Variants in AXL observed in about 807,000 individuals in gnomAD.
AXL encodes the protein tyrosine-protein kinase receptor UFO.
In AXL, 52 loss-of-function variants were observed where a neutral mutation model predicts 104.5. The ratio of observed to expected loss-of-function variants is 0.50; its 90% confidence interval spans 0.40 to 0.63. AXL has a LOEUF of 0.63. AXL is among the 20% of genes least tolerant of loss of function. The probability of loss-of-function intolerance (pLI) is 0.00; values close to 1 mark genes in which losing one functional copy is unlikely to be tolerated. For missense variants in AXL, 1,024 were observed against 1,188.5 expected, an observed-to-expected ratio of 0.86 and a Z score of 2.04; for synonymous variants, 455 against 473.7, an observed-to-expected ratio of 0.96 and a Z score of 0.51.
At chr19:41,221,339 A>G in intron 3 of AXL, 93 bp downstream of exon 3, 1 of 1,061,042 alleles carries the variant, frequency 9.4e-7, no homozygotes, top group East Asian at 2.5e-5. Context: ...TCAAGGTCAA[A>G]GGGTGCTGGA....
At chr19:41,253,118 G>A (rs1219894938) in intron 16 of AXL, 151 bp downstream of exon 16, 1 of 776,410 alleles carries the variant, frequency 1.3e-6, no homozygotes, top group African/African-American at 1.8e-5. Context: ...TGATAAACAA[G>A]CTAATAAATA....
chr19:41,248,681 C>A, intron 13 of AXL, 62 bp from the exon 14 acceptor site: 4 of 1,611,702 alleles, frequency 2.5e-6, no homozygotes, highest in Non-Finnish European at 3.4e-6. Context: ...TCCCACCCAA[C>A]TATAGGAAAT....
At chr19:41,222,105 T>A in intron 4 of AXL, 49 bp downstream of exon 4, 1 of 1,456,936 alleles carries the variant, frequency 6.9e-7, no homozygotes, top group Non-Finnish European at 9.1e-7. Context: ...CGGGCAGGGC[T>A]GAAGTCAGGA....
intron 16 of AXL, among the ~76,000 whole-genome samples, chr19:41,253,398 A>C (rs1274969921): frequency 6.6e-6 from 1 of 152,154 alleles, no homozygotes; most frequent in East Asian, 1.9e-4. Context: ...GTCAAGGGCA[A>C]GAACATAGGC....
chr19:41,227,706 C>T (rs1404238677), intron 4 of AXL, among the ~76,000 whole-genome samples: 1 of 152,042 alleles, frequency 6.6e-6, no homozygotes, highest in Non-Finnish European at 1.5e-5. Flanking sequence ...CCAGGCTTGT[C>T]TTAAACTCCT....
chr19:41,236,148 T>A (rs987999527), intron 6 of AXL, among the ~76,000 whole-genome samples: 1 of 150,954 alleles, frequency 6.6e-6, no homozygotes, highest in African/African-American at 2.4e-5. Flanking sequence ...CTGACCAACA[T>A]GATGAAACCT....
intron 17 of AXL, among the ~76,000 whole-genome samples, chr19:41,254,721 C>T (rs1351467591): frequency 2.6e-5 from 4 of 152,024 alleles, no homozygotes; most frequent in East Asian, 1.9e-4. Flanking sequence ...GAGTTCAAGA[C>T]CAGCCTGGGC....
Position 41,219,363 on chromosome 19 carries a change from C to A in AXL, c.-30C>A, listed in dbSNP as rs776755976. ...CCCTGCCCCCTCCCCCGCTGGGAGC[C>A]CAACAACTTCTGAGGAAAGTTTGGC... On this transcript the variant is annotated 5_prime_UTR_variant, in exon 1 of 20. Coordinates refer to ENST00000301178, the MANE Select transcript of AXL (RefSeq NM_021913.5). 6.4e-7 allele frequency: 1 copy of A among 1,561,536 alleles called. No homozygotes were observed. The highest frequency in any genetic ancestry group is 8.7e-7 in the Non-Finnish European group (1 of 1,153,064).
chr19:41,243,095 G>T, intron 11 of AXL, 80 bp downstream of exon 11: 1 of 1,589,920 alleles, frequency 6.3e-7, no homozygotes. Flanking sequence ...GGAGGCTGGT[G>T]CAGGAGGAGT....
intron 4 of AXL, among the ~76,000 whole-genome samples, chr19:41,225,264 CA>C (rs1358868433): frequency 6.6e-6 from 1 of 152,220 alleles, no homozygotes; most frequent in Admixed American, 6.5e-5. Flanking sequence ...CTCGGCCTCC[CA>C]AAGTACTGGG....
In AXL at chr19:41,222,041, A is replaced by C. The variant is rs773217446; in HGVS notation, c.571A>C (p.Ser191Arg). The C allele has an allele frequency of 1.5e-4, 233 of 1,580,292 alleles. No homozygotes were observed. Among genetic ancestry groups the C allele is most frequent in the Non-Finnish European group, 1.9e-4 (226 of 1,165,988 alleles). ...GGCTCCAGGTCACGGCCCCCAGCGC[A>C]GCCTGCATGTTCCAGGTGAGTCCGG... ...ATAPGHGPQR[S>R]LHVPGLNKTS... is the part of the protein sequence containing the mutation. The change falls in exon 4 of 20, where the codon AGC becomes CGC. Residue 191 changes from serine (S) to arginine (R), a missense_variant. Around this residue, in one of 5 missense-constraint regions of AXL, gnomAD observed 332 missense variants for 343.9 expected, o/e 0.97. Transcript: ENST00000301178.
intron 14 of AXL, among the ~76,000 whole-genome samples, chr19:41,251,265 C>T (rs1012199492): frequency 1.3e-5 from 2 of 151,952 alleles, no homozygotes; most frequent in Non-Finnish European, 2.9e-5. Flanking sequence ...TAGCAAGACT[C>T]CCTCTCAAAA....
Position 41,243,612 on chromosome 19 carries a change from C to A in AXL, c.1446-4C>A, listed in dbSNP as rs756248934. The stretch of plus-strand genomic sequence containing the variant: ...TGCCCTCACCTACTCCCCCTCCCCC[C>A]CAGAGAAGTGTTTGAACCAACAGTG... On this transcript the variant is annotated splice_region_variant and splice_polypyrimidine_tract_variant and intron_variant, in intron 11 of 19. Transcript: ENST00000301178. 9 of 1,613,640 alleles carry A rather than the reference C, an allele frequency of 5.6e-6. No homozygotes were observed. Among genetic ancestry groups the A allele is most frequent in the Middle Eastern group, 3.3e-4 (2 of 6,060 alleles).
At position 41,226,612 on chromosome 19, in the gene AXL, C is replaced by T. The variant is rs2033886744; in HGVS notation, c.587-4355C>T. On this transcript the variant is annotated intron_variant, in intron 4 of 19. Coordinates refer to ENST00000301178, the MANE Select transcript of AXL (RefSeq NM_021913.5). ...GCGGATGGAGAGCCTCCCTTGCCAACGCGGTGGGAACAGAGGCGTACACGC... is the reference window on the plus strand; with the variant it reads ...GCGGATGGAGAGCCTCCCTTGCCAATGCGGTGGGAACAGAGGCGTACACGC... 7.1e-6 allele frequency: 3 copies of T among 424,426 alleles called. No individual in the cohort carries two copies. The South Asian group carries it at 2.9e-4, about 42-fold the overall frequency. 26.3% of individuals were successfully genotyped at this position (424,426 alleles called of 1,614,324 possible). A position where few individuals can be genotyped will look rare whatever the true frequency, so the allele number is the denominator to read the frequency against.
Position 41,259,975 on chromosome 19 carries a change from C to T in AXL, c.*71C>T. On this transcript the variant is annotated 3_prime_UTR_variant, in exon 20 of 20. Coordinates refer to ENST00000301178, the MANE Select transcript of AXL (RefSeq NM_021913.5). ...CTGCCACTGGGGAAAACTCCACCTT[C>T]CCACTTTCCCACCCCACGCCTTATC... The T allele has an allele frequency of 2.2e-6, 3 of 1,351,540 alleles. No homozygotes were observed. Among genetic ancestry groups the T allele is most frequent in the Non-Finnish European group, 2.0e-6 (2 of 1,001,820 alleles). 83.7% of individuals were successfully genotyped at this position (1,351,540 alleles called of 1,614,324 possible).
chr19:41,256,497 CAAG>C lies in AXL; in HGVS notation c.2087_2089del (p.Lys696del), dbSNP rs1453103893. The stretch of plus-strand genomic sequence containing the variant: ...TGTGTGTGGCGGACTTCGGGCTCTC[CAAG>C]AAGATCTACAATGGGGACTACTACC... On this transcript the variant is annotated inframe_deletion, in exon 18 of 20. Coordinates refer to ENST00000301178, the MANE Select transcript of AXL (RefSeq NM_021913.5). 1.2e-6 allele frequency: 2 copies of C among 1,614,150 alleles called. No individual in the cohort carries two copies. Among genetic ancestry groups the C allele is most frequent in the South Asian group, 2.2e-5 (2 of 91,082 alleles).
rs372938197 is a variant in AXL at position 41,259,871 on chromosome 19, C to T, written c.2652C>T (p.Ser884=). The change falls in exon 20 of 20, where the codon TCC becomes TCT. Residue 884 remains serine (S), a synonymous_variant. Transcript: ENST00000301178. ...CCGCTCAGCCTGCTGATAGGGGCTC[C>T]CCAGCAGCCCCAGGGCAGGAGGATG... ...PSPAQPADRG[S]PAAPGQEDGA 2.5e-6 allele frequency: 4 copies of T among 1,598,444 alleles called. No individual in the cohort carries two copies. In the South Asian group the frequency reaches 4.5e-5, roughly 18 times the overall value.
chr19:41,239,687 C>G lies in AXL; in HGVS notation c.1286-7C>G. 1 of 1,614,182 alleles carries G rather than the reference C, an allele frequency of 6.2e-7. No individual in the cohort carries two copies. The highest frequency in any genetic ancestry group is 8.5e-7 in the Non-Finnish European group (1 of 1,180,028). ...GCACATCTCCTCTCTGTCCTTTCTT[C>G]TCACAGGGCAAGCACAGCCAGTCCA... On this transcript the variant is annotated splice_region_variant and splice_polypyrimidine_tract_variant and intron_variant, in intron 9 of 19. Transcript: ENST00000301178.
chr19:41,233,106 C>T (rs190105057), intron 6 of AXL, among the ~76,000 whole-genome samples: 2 of 152,102 alleles, frequency 1.3e-5, no homozygotes, highest in East Asian at 3.9e-4. Context: ...TCTCTTGCCT[C>T]AGCCTCCTGA....
Sources: gnomAD v4.1 joint callset for allele counts (sites outside exome capture counted in the v4.1 genomes callset) on GRCh38, gnomAD v4.1.1 for gene constraint, gnomAD v4.1.1 regional missense constraint, MANE v1.5 for transcripts, NCBI Gene and HGNC (gene_info 2026-07-23, HGNC 2026-07-21) for gene names.